Variants in SRPX observed in about 807,000 individuals in gnomAD.
SRPX encodes the protein sushi repeat-containing protein SRPX.
Under a neutral mutation model 38.1 loss-of-function variants are expected in SRPX, and 24 were observed. The ratio of observed to expected loss-of-function variants is 0.63; its 90% CI spans 0.46 to 0.89. SRPX has a LOEUF of 0.89. SRPX is among the 40% of genes least tolerant of loss of function. SRPX has a pLI of 0.00. For missense variants in SRPX, 416 were observed against 377.8 expected, an observed-to-expected ratio of 1.10 and a Z score of -0.84; for synonymous variants, 184 against 153.8, an observed-to-expected ratio of 1.20 and a Z score of -1.45.
intron 1 of SRPX, among the ~76,000 whole-genome samples, chrX:38,180,619 T>A (rs756651959): frequency 2.7e-5 from 3 of 112,027 alleles, no homozygotes; most frequent in Non-Finnish European, 5.6e-5. Flanking sequence ...AATTTGTGCA[T>A]CCCCCAGTGT....
intron 1 of SRPX, among the ~76,000 whole-genome samples, chrX:38,213,187 G>C (rs1369046568): frequency 8.9e-6 from 1 of 112,106 alleles, no homozygotes; most frequent in Non-Finnish European, 1.9e-5. Flanking sequence ...GCAGAAAATA[G>C]ATTAGTGGTT....
At position 38,156,960 on chromosome X, in the gene SRPX, A is replaced by C. The variant is rs1394541111; in HGVS notation, c.1025T>G (p.Leu342Arg). 8.3e-7 allele frequency: 1 copy of C among 1,211,451 alleles called. No homozygotes were observed. Among genetic ancestry groups the C allele is most frequent in the East Asian group, 3.0e-5 (1 of 33,815 alleles). Residue 342 changes from leucine to arginine, a missense_variant, in exon 8 of 10, where the codon CTC (leucine) becomes CGC (arginine). By Grantham distance (102) the Leu-to-Arg change is moderately radical (BLOSUM62 -2). Coordinates refer to ENST00000378533, the MANE Select transcript of SRPX (RefSeq NM_006307.5). ...GGCTGTGGGTGTGGACACAATGAGG[A>C]GTCTCCTTTTCTCATAAAACTGATC... Reference protein sequence around the residue: ...LLDQFYEKRRLLIVSTPTARN... With the variant: ...LLDQFYEKRRRLIVSTPTARN...
At chrX:38,211,470 G>A (rs954856403) in intron 1 of SRPX, among the ~76,000 whole-genome samples, 1 of 111,912 alleles carries the variant, frequency 8.9e-6, no homozygotes, top group Non-Finnish European at 1.9e-5. Flanking sequence ...GGGAGGCCGA[G>A]GAGGGCAGAT....
At position 38,149,612 on chromosome X, in the gene SRPX, CA is replaced by C. The variant is rs1937970345; in HGVS notation, c.*98del. 1 of 821,609 alleles carries C rather than the reference CA, an allele frequency of 1.2e-6. No individual in the cohort carries two copies. The highest frequency in any genetic ancestry group is 2.1e-5 in the African/African-American group (1 of 47,748). The allele number at this position is 821,609 out of a possible 1,213,427, so 67.7% of individuals were successfully genotyped here. On this transcript the variant is annotated 3_prime_UTR_variant, in exon 10 of 10. Coordinates refer to ENST00000378533, the MANE Select transcript of SRPX (RefSeq NM_006307.5). ...ATAATAAAATAGACTTTTAAAATTA[CA>C]AATAAAATCTGTACATCAAGGATAT...
intron 2 of SRPX, among the ~76,000 whole-genome samples, chrX:38,175,331 T>C (rs1189152448): frequency 9.0e-6 from 1 of 111,257 alleles, no homozygotes; most frequent in East Asian, 2.8e-4. Flanking sequence ...TGTCAGTGAG[T>C]GAGGTAAGAC....
intron 8 of SRPX, among the ~76,000 whole-genome samples, chrX:38,155,031 A>C (rs1224084842): frequency 6.3e-5 from 7 of 111,000 alleles, no homozygotes; most frequent in Non-Finnish European, 1.3e-4. Flanking sequence ...AGAGGATAAA[A>C]GGTTCCAAGC....
Position 38,220,781 on chromosome X carries a change from G to C in SRPX, c.12C>G (p.Pro4=), listed in dbSNP as rs763410345. 1.3e-5 allele frequency: 14 copies of C among 1,114,805 alleles called. No homozygotes were observed. Among genetic ancestry groups the C allele is most frequent in the South Asian group, 4.3e-5 (2 of 46,383 alleles). The allele number at this position is 1,114,805 out of a possible 1,213,427, so 91.9% of individuals were successfully genotyped here. A position where few individuals can be genotyped will look rare whatever the true frequency, so the allele number is the denominator to read the frequency against. MGS[P]AHRPALLLLL... is the part of the protein sequence containing the mutation. ...GCAGCAGCAGCGCGGGCCGATGTGC[G>C]GGGCTCCCCATGGCGAGCGGGCGCT... Residue 4 remains proline, a synonymous_variant, in exon 1 of 10, where the codon CCC becomes CCG. Coordinates refer to ENST00000378533, the MANE Select transcript of SRPX (RefSeq NM_006307.5).
At chrX:38,188,681 A>T (rs1938836218) in intron 1 of SRPX, among the ~76,000 whole-genome samples, 1 of 111,398 alleles carries the variant, frequency 9.0e-6, no homozygotes, top group Non-Finnish European at 1.9e-5. Flanking sequence ...TGAAATACGT[A>T]TCCATTGTGA....
rs759160721 is a variant in SRPX, at chrX:38,160,073, G to C, written c.899C>G (p.Pro300Arg). The change falls in exon 7 of 10, where the codon CCT (proline) becomes CGT (arginine). Residue 300 changes from proline to arginine, a missense_variant. Physicochemically the swap from Pro to Arg is moderately radical, Grantham distance 103. Transcript: ENST00000378533. ...CIGGYELQGS[P>R]ARVCQSNLAW... is the part of the protein sequence containing the mutation. ...CAGGTTGGATTGACATACTCGGGCA[G>C]GGCTACCCTGGAGCTCATAGCCGCC... The C allele has an allele frequency of 8.3e-7, 1 of 1,211,465 alleles. No homozygotes were observed. Among genetic ancestry groups the C allele is most frequent in the Non-Finnish European group, 1.1e-6 (1 of 895,316 alleles).
At chrX:38,217,908 G>T (rs1467467884) in intron 1 of SRPX, among the ~76,000 whole-genome samples, 2 of 112,068 alleles carry the variant, frequency 1.8e-5, no homozygotes, top group African/African-American at 6.5e-5. Flanking sequence ...TGAAGAAAAT[G>T]CCAGAGGAAA....
chrX:38,181,004 G>A (rs186757936), intron 1 of SRPX, among the ~76,000 whole-genome samples: 147 of 112,330 alleles, frequency 1.3e-3, no homozygotes, highest in African/African-American at 4.6e-3. Flanking sequence ...CTATATATAC[G>A]ACTCCTTTTT....
intron 5 of SRPX, among the ~76,000 whole-genome samples, chrX:38,162,052 T>C (rs1244392202): frequency 8.9e-6 from 1 of 112,126 alleles, no homozygotes; most frequent in Non-Finnish European, 1.9e-5. Flanking sequence ...TCCCACTATT[T>C]TGAGACATGC....
chrX:38,154,718 C>G (rs1374114323), intron 8 of SRPX, 135 bp from the exon 9 acceptor site: 1 of 832,729 alleles, frequency 1.2e-6, no homozygotes, highest in Non-Finnish European at 1.6e-6. Context: ...GTCCTGAAAA[C>G]AGATGAGAAA....
chrX:38,195,273 C>A lies in SRPX; in HGVS notation c.98-16929G>T, dbSNP rs192610302. ...ACATTGGTTACCTCTGAGGAGATAGCGAAAGGAAAAGAATCCAAAGGAAAG... is the reference window on the plus strand; with the variant it reads ...ACATTGGTTACCTCTGAGGAGATAGAGAAAGGAAAAGAATCCAAAGGAAAG... On this transcript the variant is annotated intron_variant, in intron 1 of 9. Coordinates refer to ENST00000378533, the MANE Select transcript of SRPX (RefSeq NM_006307.5). 1.5e-4 allele frequency among the ~76,000 whole-genome samples: 16 copies of A among 110,012 alleles called. No homozygotes were observed. The South Asian group carries it at 1.5e-3, about 11-fold the overall frequency.
At chrX:38,161,158 C>G (rs1425097187) in intron 5 of SRPX, 104 bp from the exon 6 acceptor site, 1 of 920,098 alleles carries the variant, frequency 1.1e-6, no homozygotes, top group Non-Finnish European at 1.5e-6. Context: ...GAGGGGCAAC[C>G]ATTAGACCAG....
Position 38,149,570 on chromosome X carries a change from A to C in SRPX, c.*141T>G. On this transcript the variant is annotated 3_prime_UTR_variant, in exon 10 of 10. Transcript: ENST00000378533. Reference sequence around the variant, plus strand: ...TACAAAAAGCAGCATGCTAATTTTTAAGTGCAAAGAAAGCTCATAATAAAA... The same window carrying C: ...TACAAAAAGCAGCATGCTAATTTTTCAGTGCAAAGAAAGCTCATAATAAAA... 1 of 598,344 alleles carries C rather than the reference A, an allele frequency of 1.7e-6. No homozygotes were observed. The highest frequency in any genetic ancestry group is 4.7e-5 in the Admixed American group (1 of 21,301). The allele number at this position is 598,344 out of a possible 1,213,427, so 49.3% of individuals were successfully genotyped here.
At chrX:38,207,427 C>T (rs1422686755) in intron 1 of SRPX, among the ~76,000 whole-genome samples, 1 of 112,128 alleles carries the variant, frequency 8.9e-6, no homozygotes, top group Non-Finnish European at 1.9e-5. Flanking sequence ...TCACAAAGCT[C>T]TGTAGCCTGA....
chrX:38,152,103 T>C (rs960913391), intron 9 of SRPX, among the ~76,000 whole-genome samples: 1 of 111,631 alleles, frequency 9.0e-6, no homozygotes, highest in Non-Finnish European at 1.9e-5. Flanking sequence ...GCATTATGCT[T>C]TTCCTTCTCC....
intron 1 of SRPX, among the ~76,000 whole-genome samples, chrX:38,198,923 A>G (rs1166264554): frequency 1.8e-5 from 2 of 111,134 alleles, no homozygotes; most frequent in South Asian, 7.8e-4. Context: ...AACTCAGATC[A>G]AGAAACAGAA....
Sources: allele counts gnomAD v4.1 joint callset (sites outside exome capture counted in the v4.1 genomes callset), GRCh38; gene constraint gnomAD v4.1.1; transcripts MANE v1.5; gene names NCBI Gene and HGNC (gene_info 2026-07-23, HGNC 2026-07-21).